The following WWC1 variants were observed in gnomAD, a reference collection of about 807,000 sequenced individuals.
WWC1 encodes the protein WW and C2 domain containing 1.
WWC1 carries 55 observed loss-of-function variants against 138.4 expected under a neutral mutation model. The observed-to-expected ratio is 0.40, with a 90% confidence interval of 0.32 to 0.50. The LOEUF is 0.50. WWC1 is among the 20% of genes least tolerant of loss of function. The probability of loss-of-function intolerance (pLI) is 0.72; values close to 1 mark genes in which losing one functional copy is unlikely to be tolerated. For missense variants in WWC1, 1,226 were observed against 1,420.4 expected, an observed-to-expected ratio of 0.86 and a Z score of 2.20; for synonymous variants, 524 against 564.9, an observed-to-expected ratio of 0.93 and a Z score of 1.03.
At chr5:168,367,561 C>T (rs548109760) in intron 1 of WWC1, among the ~76,000 whole-genome samples, 3 of 150,622 alleles carry the variant, frequency 2.0e-5, no homozygotes, top group Non-Finnish European at 3.0e-5. Flanking sequence ...CCTCGTGATC[C>T]GCCCGCCTCG....
chr5:168,396,692 A>C (rs973409951), intron 3 of WWC1, among the ~76,000 whole-genome samples: 1 of 151,942 alleles, frequency 6.6e-6, no homozygotes, highest in Non-Finnish European at 1.5e-5. Flanking sequence ...CCTTATCCTT[A>C]TTTTCTCTTT....
intron 1 of WWC1, among the ~76,000 whole-genome samples, chr5:168,362,633 C>T (rs1775963975): frequency 6.6e-6 from 1 of 152,226 alleles, no homozygotes; most frequent in Admixed American, 6.5e-5. Flanking sequence ...CTACTCTAAT[C>T]CATGATTTGG....
At position 168,393,734 on chromosome 5, in the gene WWC1, C is replaced by T. The variant is rs892215752; in HGVS notation, c.434-3990C>T. On this transcript the variant is annotated intron_variant, in intron 3 of 22. Coordinates refer to ENST00000265293, the MANE Select transcript of WWC1 (RefSeq NM_015238.3). ...CAAAGGCGGATCTCAGGAAGCCAGC[C>T]GAACACAGAGAGCAGCTCGCTCACA... is the stretch of plus-strand genomic sequence containing the variant. Among the ~76,000 whole-genome samples the T allele has an allele frequency of 2.6e-5, 4 of 152,056 alleles. 1 individual carries two copies. The highest frequency in any genetic ancestry group is 4.2e-4 in the South Asian group (2 of 4,810).
chr5:168,323,087 T>A (rs1425268462), intron 1 of WWC1, among the ~76,000 whole-genome samples: 1 of 152,238 alleles, frequency 6.6e-6, no homozygotes, highest in Admixed American at 6.5e-5. Context: ...ACTGTTTAGA[T>A]ATGTTTAAAG....
chr5:168,451,428 G>A (rs1461091409), intron 17 of WWC1, among the ~76,000 whole-genome samples: 1 of 152,204 alleles, frequency 6.6e-6, no homozygotes, highest in Non-Finnish European at 1.5e-5. Context: ...AGTTAGGCCA[G>A]GCTCAGTGGC....
chr5:168,351,662 C>T (rs890801928), intron 1 of WWC1, among the ~76,000 whole-genome samples: 21 of 152,084 alleles, frequency 1.4e-4, no homozygotes, highest in Admixed American at 2.6e-4. Flanking sequence ...TGGATGCCTG[C>T]GGAGAATTTG....
At chr5:168,465,067 T>TC in intron 21 of WWC1, 105 bp downstream of exon 21, 2 of 1,455,278 alleles carry the variant, frequency 1.4e-6, no homozygotes, top group Non-Finnish European at 1.8e-6. Flanking sequence ...ATCCTACAAT[T>TC]CCCACCACAG....
intron 1 of WWC1, among the ~76,000 whole-genome samples, chr5:168,339,956 C>CCT (rs71893673): frequency 2.4e-5 from 3 of 127,076 alleles, no homozygotes; most frequent in Admixed American, 8.2e-5. Context: ...TCCCCCTCTC[C>CCT]CTCTCTCTCT....
chr5:168,314,018 T>C (rs531992611), intron 1 of WWC1, among the ~76,000 whole-genome samples: 1 of 152,186 alleles, frequency 6.6e-6, no homozygotes, highest in Admixed American at 6.5e-5. Flanking sequence ...GTCAGAGCAG[T>C]CTCAGGCTAT....
intron 1 of WWC1, among the ~76,000 whole-genome samples, chr5:168,339,871 C>T (rs969174227): frequency 3.8e-5 from 5 of 130,864 alleles, no homozygotes; most frequent in East Asian, 4.1e-4. Context: ...CTCTCTCTCT[C>T]TCTCCCTCTC....
chr5:168,459,797 G>A (rs1756641453), intron 19 of WWC1, among the ~76,000 whole-genome samples: 1 of 152,118 alleles, frequency 6.6e-6, no homozygotes, highest in Admixed American at 6.5e-5. Flanking sequence ...ACAGCTGCTA[G>A]ACACACAAGC....
Position 168,412,645 on chromosome 5 carries a change from A to T in WWC1, c.942-1703A>T, listed in dbSNP as rs79049801. On this transcript the variant is annotated intron_variant, in intron 8 of 22. Transcript: ENST00000265293. ...TGTATACATGAATGTGAATTTAAAT[A>T]ACTAACTACAGTCAGTCCTCTGTAC... Among the ~76,000 whole-genome samples, 343 of 152,316 alleles carry T rather than the reference A, an allele frequency of 2.3e-3. 3 individuals are homozygous for T. The East Asian group carries it at 0.053, about 24-fold the overall frequency.
At chr5:168,378,656 G>A (rs1194564606) in intron 2 of WWC1, among the ~76,000 whole-genome samples, 1 of 152,142 alleles carries the variant, frequency 6.6e-6, no homozygotes, top group African/African-American at 2.4e-5. Context: ...CTAGATTGGT[G>A]AATATTTCCA....
intron 1 of WWC1, among the ~76,000 whole-genome samples, chr5:168,313,261 G>A (rs1418650573): frequency 2.0e-5 from 3 of 152,080 alleles, no homozygotes; most frequent in African/African-American, 7.2e-5. Context: ...GTGGGCCGTG[G>A]ACCAGCACGT....
chr5:168,459,111 G>A (rs1394695779), intron 19 of WWC1, among the ~76,000 whole-genome samples: 3 of 151,950 alleles, frequency 2.0e-5, no homozygotes, highest in African/African-American at 7.3e-5. Flanking sequence ...AAAATTATCC[G>A]GGCACAGTGG....
chr5:168,320,014 G>A (rs915914213), intron 1 of WWC1, among the ~76,000 whole-genome samples: 3 of 149,842 alleles, frequency 2.0e-5, no homozygotes, highest in African/African-American at 7.3e-5. Flanking sequence ...GATGAGTGAT[G>A]TTGAGCATTT....
chr5:168,467,515 T>G (rs1314772388), intron 21 of WWC1, among the ~76,000 whole-genome samples: 1 of 152,194 alleles, frequency 6.6e-6, no homozygotes, highest in African/African-American at 2.4e-5. Context: ...TGCTGGAGCC[T>G]AAGTTCCCTG....
Position 168,406,269 on chromosome 5 carries a change from C to T in WWC1, c.662C>T (p.Thr221Ile), listed in dbSNP as rs1779782419. 3 of 1,613,932 alleles carry T rather than the reference C, an allele frequency of 1.9e-6. No individual in the cohort carries two copies. The highest frequency in any genetic ancestry group is 2.7e-5 in the African/African-American group (2 of 74,906). The change falls in exon 6 of 23, where the codon ACA becomes ATA. Residue 221 changes from threonine (T) to isoleucine (I), a missense_variant. Coordinates refer to ENST00000265293, the MANE Select transcript of WWC1 (RefSeq NM_015238.3). ...GAAGCTCAGGCTGTCTTGAGAGAAA[C>T]AAAAGCCATCAAAAAGGCTATTACC... ...LDEAQAVLRE[T>I]KAIKKAITCG...
intron 1 of WWC1, among the ~76,000 whole-genome samples, chr5:168,349,868 G>T (rs1400058574): frequency 6.6e-6 from 1 of 152,138 alleles, no homozygotes; most frequent in African/African-American, 2.4e-5. Flanking sequence ...GGCCTCTTAA[G>T]TAACCGTTTG....
Sources: gnomAD v4.1 joint callset for allele counts (sites outside exome capture counted in the v4.1 genomes callset) on GRCh38, gnomAD v4.1.1 for gene constraint, MANE v1.5 for transcripts, NCBI Gene and HGNC (gene_info 2026-07-23, HGNC 2026-07-21) for gene names.